GRIA3: variants seen among roughly 807,000 people sequenced by gnomAD.
The protein encoded by GRIA3 is glutamate receptor 3.
GRIA3 carries 3 observed loss-of-function variants against 63.0 expected under a neutral mutation model. The observed-to-expected ratio is 0.05, with a 90% confidence interval of 0.02 to 0.12. The LOEUF (loss-of-function observed/expected upper bound fraction) is 0.12, where lower values mean the gene tolerates loss of function less well. GRIA3 is among the 10% of genes least tolerant of loss of function. The pLI is 1.00. For missense variants in GRIA3, 347 were observed against 700.9 expected, an observed-to-expected ratio of 0.50 and a Z score of 5.70; for synonymous variants, 274 against 257.9, an observed-to-expected ratio of 1.06 and a Z score of -0.60.
intron 5 of GRIA3, among the ~76,000 whole-genome samples, chrX:123,369,246 A>G (rs1319363029): frequency 8.9e-6 from 1 of 112,355 alleles, no homozygotes; most frequent in African/African-American, 3.2e-5. Flanking sequence ...ATGTAGCAAC[A>G]TGCTATGAGC....
chrX:123,200,852 T>C lies in GRIA3; in HGVS notation c.268+14862T>C, dbSNP rs151255320. On this transcript the variant is annotated intron_variant, in intron 2 of 15. Transcript: ENST00000620443. ...GGGTAGGGCAACCAAATTGAGAACA[T>C]GACTTTCCATCCTCTTTAAAGCACA... Among the ~76,000 whole-genome samples, 483 of 111,571 alleles carry C rather than the reference T, an allele frequency of 4.3e-3. 3 individuals are homozygous for C. Among genetic ancestry groups the C allele is most frequent in the African/African-American group, 0.015 (452 of 30,729 alleles).
intron 2 of GRIA3, among the ~76,000 whole-genome samples, chrX:123,208,790 C>G (rs184913455): frequency 8.9e-6 from 1 of 112,228 alleles, no homozygotes; most frequent in Admixed American, 9.4e-5. Flanking sequence ...TATACAGGTG[C>G]TGCTTACCTG....
At chrX:123,234,914 T>C (rs1293963604) in intron 2 of GRIA3, among the ~76,000 whole-genome samples, 1 of 111,436 alleles carries the variant, frequency 9.0e-6, no homozygotes, top group African/African-American at 3.3e-5. Context: ...TAATTGGTCC[T>C]TTATCTTCTC....
intron 6 of GRIA3, among the ~76,000 whole-genome samples, chrX:123,395,632 T>C (rs960348706): frequency 1.8e-5 from 2 of 111,996 alleles, no homozygotes; most frequent in African/African-American, 6.5e-5. Context: ...TAAAGTATCT[T>C]AGAAAATAAT....
chrX:123,253,370 C>A lies in GRIA3; in HGVS notation c.336C>A (p.Thr112=), dbSNP rs749960617. 9.9e-6 allele frequency: 12 copies of A among 1,207,744 alleles called. No individual in the cohort carries two copies. In the African/African-American group the frequency reaches 1.8e-4, roughly 18 times the overall value. Residue 112 remains threonine, a synonymous_variant, in exon 3 of 16, where the codon ACC becomes ACA. Coordinates refer to ENST00000620443, the MANE Select transcript of GRIA3 (RefSeq NM_007325.5). ...TCTATGACCAGATGTCAATGAACAC[C>A]CTGACCTCCTTCTGTGGGGCCCTGC... ...FGFYDQMSMN[T]LTSFCGALHT...
At chrX:123,275,057 T>C (rs1158685968) in intron 3 of GRIA3, among the ~76,000 whole-genome samples, 1 of 110,908 alleles carries the variant, frequency 9.0e-6, no homozygotes, top group Non-Finnish European at 1.9e-5. Flanking sequence ...ATATGTAAGA[T>C]AACAACAGAA....
At chrX:123,356,514 A>C (rs990717791) in intron 5 of GRIA3, among the ~76,000 whole-genome samples, 1 of 111,845 alleles carries the variant, frequency 8.9e-6, no homozygotes, top group Non-Finnish European at 1.9e-5. Flanking sequence ...TTTCCTTACT[A>C]TGTATTAGAA....
At position 123,482,793 on chromosome X, in the gene GRIA3, T is replaced by C. The variant is rs751540860; in HGVS notation, c.2440-6T>C. 12 of 1,209,607 alleles carry C rather than the reference T, an allele frequency of 9.9e-6. No homozygotes were observed. The East Asian group carries it at 3.3e-4, about 33-fold the overall frequency. Reference sequence around the variant, plus strand: ...AAGATCTAATCACGTTGTTCATTTCTCTTAGGACAAGACCAGCGCTCTGAG... The same window carrying C: ...AAGATCTAATCACGTTGTTCATTTCCCTTAGGACAAGACCAGCGCTCTGAG... On this transcript the variant is annotated splice_polypyrimidine_tract_variant and splice_region_variant and intron_variant, in intron 14 of 15. Coordinates refer to ENST00000620443, the MANE Select transcript of GRIA3 (RefSeq NM_007325.5).
At chrX:123,257,467 A>AGAAG (rs1277261910) in intron 3 of GRIA3, among the ~76,000 whole-genome samples, 17 of 100,261 alleles carry the variant, frequency 1.7e-4, no homozygotes, top group East Asian at 3.7e-4. Flanking sequence ...GAGAAAGAAG[A>AGAAG]GAAGGAAGGA....
At chrX:123,246,542 G>A (rs934435050) in intron 2 of GRIA3, among the ~76,000 whole-genome samples, 1 of 111,546 alleles carries the variant, frequency 9.0e-6, no homozygotes, top group African/African-American at 3.3e-5. Context: ...TTTTGCCTCT[G>A]TCTTCCACAT....
intron 10 of GRIA3, among the ~76,000 whole-genome samples, chrX:123,409,512 C>T (rs1217936284): frequency 9.0e-6 from 1 of 111,485 alleles, no homozygotes; most frequent in Admixed American, 9.5e-5. Flanking sequence ...ATTATGTAAG[C>T]CCTTCAGAAC....
At chrX:123,426,813 T>G (rs1364227386) in intron 11 of GRIA3, among the ~76,000 whole-genome samples, 1 of 112,452 alleles carries the variant, frequency 8.9e-6, no homozygotes, top group African/African-American at 3.2e-5. Context: ...AAACAGTGGG[T>G]GCTGTTGAAG....
At chrX:123,269,507 C>T (rs531504971) in intron 3 of GRIA3, among the ~76,000 whole-genome samples, 5 of 111,729 alleles carry the variant, frequency 4.5e-5, no homozygotes, top group African/African-American at 1.6e-4. Flanking sequence ...GCTCATCTCT[C>T]CAATGTGCTA....
intron 10 of GRIA3, among the ~76,000 whole-genome samples, chrX:123,405,416 C>T (rs897076581): frequency 8.9e-6 from 1 of 111,883 alleles, no homozygotes; most frequent in African/African-American, 3.2e-5. Context: ...AACTTGTTAC[C>T]CTGCGTCTGT....
intron 4 of GRIA3, among the ~76,000 whole-genome samples, chrX:123,353,020 TACACACACACAC>T (rs556926418): frequency 3.4e-5 from 3 of 87,780 alleles, no homozygotes; most frequent in African/African-American, 8.4e-5. Flanking sequence ...CTCTCTCTCA[TACACACACACAC>T]ACACACACAC....
rs753431455 is a variant in GRIA3 at position 123,340,392 on chromosome X, G to T, written c.696+14179G>T. The stretch of plus-strand genomic sequence containing the variant: ...TACTGGATGATGTGCACTCTAAGAA[G>T]TATGAAACTGGAGCCCTGTCCTCAA... On this transcript the variant is annotated intron_variant, in intron 4 of 15. Transcript: ENST00000620443. Among the ~76,000 whole-genome samples the T allele has an allele frequency of 4.6e-3, 518 of 112,629 alleles. 3 individuals carry two copies. Among genetic ancestry groups the T allele is most frequent in the Non-Finnish European group, 7.6e-3 (404 of 53,306 alleles).
intron 5 of GRIA3, among the ~76,000 whole-genome samples, chrX:123,389,137 G>T (rs1355355233): frequency 8.9e-6 from 1 of 112,053 alleles, no homozygotes; most frequent in African/African-American, 3.2e-5. Context: ...GTATCCTAAT[G>T]TATAATCTAT....
chrX:123,434,998 G>A (rs942471743), intron 12 of GRIA3, among the ~76,000 whole-genome samples: 1 of 112,310 alleles, frequency 8.9e-6, no homozygotes, highest in African/African-American at 3.2e-5. Flanking sequence ...AAGCACTGAC[G>A]ATCATACATC....
chrX:123,267,750 G>A (rs1365658917), intron 3 of GRIA3, among the ~76,000 whole-genome samples: 1 of 111,892 alleles, frequency 8.9e-6, no homozygotes, highest in Non-Finnish European at 1.9e-5. Flanking sequence ...GCATAAAATA[G>A]TGCCTATTCA....
Sources: allele counts gnomAD v4.1 joint callset (sites outside exome capture counted in the v4.1 genomes callset), GRCh38; gene constraint gnomAD v4.1.1; transcripts MANE v1.5; gene names NCBI Gene and HGNC (gene_info 2026-07-23, HGNC 2026-07-21).